The following NOMO1 variants were observed in gnomAD, a reference collection of about 807,000 sequenced individuals.
The protein encoded by NOMO1 is NODAL modulator 1, also known as nodal modulator 3.
In NOMO1, 40 loss-of-function variants were observed where a neutral mutation model predicts 133.8. The observed-to-expected ratio is 0.30, with a 90% CI of 0.23 to 0.39. The LOEUF is 0.39. NOMO1 is among the 10% of genes least tolerant of loss of function. The pLI is 1.00. For missense variants in NOMO1, 462 were observed against 1,419.9 expected (o/e 0.33, Z 10.84); for synonymous variants, 236 against 570.5 (o/e 0.41, Z 8.36).
chr16:14,875,594 TGGTTG>T (rs1453450906), intron 20 of NOMO1, among the ~76,000 whole-genome samples, 172 bp downstream of exon 20: 24 of 150,134 alleles, frequency 1.6e-4, no homozygotes, highest in Non-Finnish European at 2.4e-4. Flanking sequence ...GATGGATGGA[TGGTTG>T]GGTTGGATGG....
At chr16:14,836,842 A>T (rs1180054907) in intron 1 of NOMO1, among the ~76,000 whole-genome samples, 2 of 150,716 alleles carry the variant, frequency 1.3e-5, no homozygotes, top group Admixed American at 6.6e-5. Flanking sequence ...AGTAGCTGGG[A>T]CTACAGGCGC....
chr16:14,853,637 C>G (rs369688347), intron 8 of NOMO1, 33 bp downstream of exon 8: 8 of 1,611,420 alleles, frequency 5.0e-6, no homozygotes, highest in Admixed American at 3.3e-5. Flanking sequence ...CTGTTTATGT[C>G]TGAGACTCTC....
chr16:14,867,497 C>T lies in NOMO1; in HGVS notation c.1806+806C>T, dbSNP rs1204923177. On this transcript the variant is annotated intron_variant, in intron 15 of 30. Transcript: ENST00000287667. Reference sequence around the variant, plus strand: ...GATTACAGGTGTGAGCCATTGTGCCCCACCTTCTCTGGTGTATTTGTTCCA... The same window carrying T: ...GATTACAGGTGTGAGCCATTGTGCCTCACCTTCTCTGGTGTATTTGTTCCA... 6.2e-5 allele frequency among the ~76,000 whole-genome samples: 4 copies of T among 64,928 alleles called. 1 individual carries two copies. In the Admixed American group the frequency reaches 7.0e-4, roughly 11 times the overall value. The allele number at this position is 64,928 out of a possible 152,430, so 42.6% of individuals were successfully genotyped here.
intron 1 of NOMO1, among the ~76,000 whole-genome samples, chr16:14,837,180 G>A (rs1464200355): frequency 2.0e-5 from 3 of 151,746 alleles, no homozygotes; most frequent in Non-Finnish European, 4.4e-5. Context: ...ATCATGCCTA[G>A]CTAATTTTTT....
rs377253579 is a variant in NOMO1 at position 14,886,823 on chromosome 16, C to T, written c.3285C>T (p.Ser1095=). 32 of 1,611,556 alleles carry T rather than the reference C, an allele frequency of 2.0e-5. No homozygotes were observed. The highest frequency in any genetic ancestry group is 2.3e-5 in the Non-Finnish European group (27 of 1,179,822). ...TCCAGACAGTTTCCCTTGGCCAGTC[C>T]CTGTTCTTCCATTTCCCCCCACTGC... ...NPIQTVSLGQ[S]LFFHFPPLLR... is the part of the protein sequence containing the mutation. Residue 1095 remains serine (S), a synonymous_variant, in exon 28 of 31, where the codon TCC becomes TCT. Coordinates refer to ENST00000287667, the MANE Select transcript of NOMO1 (RefSeq NM_014287.4).
At chr16:14,894,188 T>C (rs1243121521) in intron 29 of NOMO1, among the ~76,000 whole-genome samples, 8 of 151,890 alleles carry the variant, frequency 5.3e-5, no homozygotes, top group Admixed American at 4.6e-4. Flanking sequence ...AGTGCAGAGA[T>C]AGTCTGGTAG....
At chr16:14,846,024 CTTTTTTTTTT>C (rs1195109475) in intron 4 of NOMO1, among the ~76,000 whole-genome samples, 1 of 122,970 alleles carries the variant, frequency 8.1e-6, no homozygotes, top group Non-Finnish European at 1.7e-5. Context: ...TGTACATTTA[CTTTTTTTTTT>C]TTTTTTTTTT....
In NOMO1 at chr16:14,880,004, T is replaced by G; in HGVS notation, c.2758-11T>G. 1 of 1,611,638 alleles carries G rather than the reference T, an allele frequency of 6.2e-7. No individual in the cohort carries two copies. The highest frequency in any genetic ancestry group is 8.5e-7 in the Non-Finnish European group (1 of 1,179,814). ...TGTGGCTGCTGAGGCTCAGTGTGAT[T>G]ATCTTGGTAGAGCCCTGGCCAGTAT... is the stretch of plus-strand genomic sequence containing the variant. On this transcript the variant is annotated splice_polypyrimidine_tract_variant and intron_variant, in intron 23 of 30. Coordinates refer to ENST00000287667, the MANE Select transcript of NOMO1 (RefSeq NM_014287.4).
At chr16:14,884,510 A>G (rs1964293707) in intron 27 of NOMO1, 28 bp downstream of exon 27, 2 of 1,611,416 alleles carry the variant, frequency 1.2e-6, no homozygotes, top group African/African-American at 2.7e-5. Flanking sequence ...AGCTCCAAGT[A>G]TTGTGTTCCC....
At chr16:14,875,014 C>G (rs536803768) in intron 18 of NOMO1, 22 bp from the exon 19 acceptor site, 1 of 1,613,778 alleles carries the variant, frequency 6.2e-7, no homozygotes, top group East Asian at 2.2e-5. Context: ...CAACTATGTC[C>G]TAGGGGCCGT....
intron 13 of NOMO1, 118 bp from the exon 14 acceptor site, chr16:14,864,906 G>A (rs879536895): frequency 1.2e-4 from 171 of 1,427,054 alleles, no homozygotes; most frequent in Middle Eastern, 7.5e-4. Flanking sequence ...GTCTGCCTCC[G>A]GCCACTGCCT....
chr16:14,856,920 G>C (rs1000790928), intron 9 of NOMO1, among the ~76,000 whole-genome samples: 1 of 151,982 alleles, frequency 6.6e-6, no homozygotes, highest in African/African-American at 2.4e-5. Context: ...AGATGGCACC[G>C]GGGTAAGGGT....
At chr16:14,880,368 C>G (rs961381664) in intron 24 of NOMO1, among the ~76,000 whole-genome samples, 7 of 151,132 alleles carry the variant, frequency 4.6e-5, no homozygotes, top group Admixed American at 4.6e-4. Context: ...TTGAGAGAGC[C>G]TATTGAGTTG....
intron 26 of NOMO1, among the ~76,000 whole-genome samples, chr16:14,883,392 A>G (rs1336149885): frequency 6.7e-6 from 1 of 148,716 alleles, no homozygotes; most frequent in African/African-American, 2.5e-5. Flanking sequence ...GATGGAGTGC[A>G]GTGCCGTGAT....
At chr16:14,839,259 T>C (rs919407231) in intron 2 of NOMO1, among the ~76,000 whole-genome samples, 7 of 151,970 alleles carry the variant, frequency 4.6e-5, no homozygotes, top group Non-Finnish European at 1.0e-4. Flanking sequence ...TTTTGCCATG[T>C]TGGCCAGGCT....
At chr16:14,844,571 A>G in intron 3 of NOMO1, 103 bp from the exon 4 acceptor site, 2 of 285,954 alleles carry the variant, frequency 7.0e-6, no homozygotes, top group South Asian at 4.8e-5. Flanking sequence ...GTAAAATGAA[A>G]CCTGAATAAT....
chr16:14,892,704 C>T (rs1417520610), intron 29 of NOMO1, among the ~76,000 whole-genome samples: 4 of 151,470 alleles, frequency 2.6e-5, no homozygotes, highest in African/African-American at 7.3e-5. Flanking sequence ...TGTGCCACCC[C>T]GTACAGGGCC....
Position 14,878,719 on chromosome 16 carries a change from A to C in NOMO1, c.2644-2A>C, listed in dbSNP as rs1372268050. The C allele has an allele frequency of 1.2e-6, 2 of 1,611,346 alleles. No homozygotes were observed. Among genetic ancestry groups the C allele is most frequent in the Non-Finnish European group, 8.5e-7 (1 of 1,179,614 alleles). ...GCTCTGGTCTCACCTTCTCATCCCC[A>C]GATAAAAGCTGAGGATGACCAGCCC... On this transcript the variant is annotated splice_acceptor_variant, in intron 22 of 30. Transcript: ENST00000287667. LOFTEE classifies it high-confidence loss of function.
At chr16:14,856,647 A>G (rs1597098465) in intron 9 of NOMO1, among the ~76,000 whole-genome samples, 1 of 152,010 alleles carries the variant, frequency 6.6e-6, no homozygotes, top group Non-Finnish European at 1.5e-5. Context: ...CCTGACCTCA[A>G]GTGATCTGCC....
Sources: allele counts gnomAD v4.1 joint callset (sites outside exome capture counted in the v4.1 genomes callset), GRCh38; gene constraint gnomAD v4.1.1; transcripts MANE v1.5; gene names NCBI Gene and HGNC (gene_info 2026-07-23, HGNC 2026-07-21).